CCDC171: variants seen among roughly 807,000 people sequenced by gnomAD.
The protein encoded by CCDC171 is coiled-coil domain containing 171.
In CCDC171, 177 loss-of-function variants were observed where a neutral mutation model predicts 168.2. The ratio of observed to expected loss-of-function variants is 1.05; its 90% CI spans 0.93 to 1.19. CCDC171 has a LOEUF of 1.19. Among genes scored for constraint, CCDC171 ranks in the 50% most tolerant of loss-of-function variants. The probability of loss-of-function intolerance (pLI) is 0.00; values close to 1 mark genes in which losing one functional copy is unlikely to be tolerated. For missense variants in CCDC171, 1,991 were observed against 1,539.0 expected (o/e 1.29, Z -4.91); for synonymous variants, 687 against 540.8 (o/e 1.27, Z -3.75).
chr9:15,909,211 C>G (rs749120577), intron 24 of CCDC171, among the ~76,000 whole-genome samples: 4 of 152,158 alleles, frequency 2.6e-5, no homozygotes, highest in Non-Finnish European at 5.9e-5. Flanking sequence ...CGTCTCCTAC[C>G]TGTTTATGCT....
intron 6 of CCDC171, among the ~76,000 whole-genome samples, chr9:15,622,944 CATAAT>C (rs1477460928): frequency 3.3e-5 from 5 of 152,230 alleles, no homozygotes; most frequent in South Asian, 2.1e-4. Flanking sequence ...GAAGGGGAAA[CATAAT>C]ATATGATAGT....
At chr9:15,947,643 A>G (rs987662199) in intron 25 of CCDC171, among the ~76,000 whole-genome samples, 1 of 151,874 alleles carries the variant, frequency 6.6e-6, no homozygotes, top group Non-Finnish European at 1.5e-5. Flanking sequence ...TGTTTTAGCA[A>G]TTGTGAATAA....
At chr9:15,580,286 A>G (rs916959276) in intron 4 of CCDC171, among the ~76,000 whole-genome samples, 4 of 152,214 alleles carry the variant, frequency 2.6e-5, no homozygotes, top group African/African-American at 7.2e-5. Context: ...TGGAAAAACT[A>G]TTCTAGACAT....
chr9:16,092,812 C>T, the CCDC171 span, among the ~76,000 whole-genome samples: 3 of 152,188 alleles, frequency 2.0e-5, no homozygotes, highest in African/African-American at 2.4e-5. Flanking sequence ...TGGACTGTCA[C>T]GCTGGCTTAT....
chr9:15,636,684 G>T (rs1450280414), intron 7 of CCDC171, among the ~76,000 whole-genome samples: 1 of 150,452 alleles, frequency 6.6e-6, no homozygotes, highest in East Asian at 2.0e-4. Flanking sequence ...GGGGAGTTTG[G>T]GCCTGCAGTG....
intron 8 of CCDC171, among the ~76,000 whole-genome samples, chr9:15,662,041 C>G (rs992679805): frequency 6.6e-6 from 1 of 152,174 alleles, no homozygotes; most frequent in African/African-American, 2.4e-5. Context: ...CTTTGGGAGG[C>G]TGAGGTGGGC....
At chr9:15,652,058 C>T (rs907846220) in intron 7 of CCDC171, among the ~76,000 whole-genome samples, 5 of 152,058 alleles carry the variant, frequency 3.3e-5, no homozygotes, top group African/African-American at 1.2e-4. Context: ...ATAAGTGTGC[C>T]TCACCACACC....
intron 25 of CCDC171, among the ~76,000 whole-genome samples, chr9:15,927,828 G>A (rs1039170757): frequency 2.6e-5 from 4 of 151,660 alleles, no homozygotes; most frequent in African/African-American, 7.3e-5. Context: ...GTTAATTTTA[G>A]TGTTGTGTAG....
chr9:15,644,704 C>A (rs2046899379), intron 7 of CCDC171, among the ~76,000 whole-genome samples: 1 of 152,210 alleles, frequency 6.6e-6, no homozygotes, highest in African/African-American at 2.4e-5. Flanking sequence ...GAGGAGCGCC[C>A]ACCATTGATG....
intron 3 of CCDC171, among the ~76,000 whole-genome samples, chr9:16,009,208 G>A (rs984290037): frequency 1.3e-5 from 2 of 152,112 alleles, no homozygotes; most frequent in African/African-American, 4.8e-5. Flanking sequence ...TCACAAAAAT[G>A]TCCTTTCAAA....
intron 1 of CCDC171, among the ~76,000 whole-genome samples, chr9:16,046,246 T>C (rs1328295): frequency 0.95 from 144,198 of 152,114 alleles, 68,443 homozygotes; most frequent in African/African-American, 0.98. Context: ...AAGAAACCAA[T>C]CGAGAAGTAA....
intron 10 of CCDC171, among the ~76,000 whole-genome samples, chr9:15,693,608 A>G (rs1396930644): frequency 1.3e-5 from 2 of 152,194 alleles, no homozygotes; most frequent in African/African-American, 4.8e-5. Flanking sequence ...TAGAGAGTTG[A>G]TATAGTCAGG....
At chr9:16,028,358 T>C (rs1044490740) in intron 6 of CCDC171, among the ~76,000 whole-genome samples, 3 of 152,096 alleles carry the variant, frequency 2.0e-5, no homozygotes, top group Non-Finnish European at 4.4e-5. Context: ...AGGGATCTGT[T>C]AAGATGATAC....
At chr9:16,049,759 T>C (rs1175537982) in intron 1 of CCDC171, among the ~76,000 whole-genome samples, 1 of 152,210 alleles carries the variant, frequency 6.6e-6, no homozygotes, top group African/African-American at 2.4e-5. Flanking sequence ...TCCGTAATCA[T>C]GTGAGCCAAT....
At chr9:15,705,908 T>C (rs2133950009) in intron 11 of CCDC171, among the ~76,000 whole-genome samples, 1 of 152,308 alleles carries the variant, frequency 6.6e-6, no homozygotes, top group South Asian at 2.1e-4. Flanking sequence ...TATTTTACAT[T>C]TTAAGTTTTG....
At chr9:15,918,263 A>G (rs752292651) in intron 24 of CCDC171, among the ~76,000 whole-genome samples, 3 of 151,712 alleles carry the variant, frequency 2.0e-5, no homozygotes, top group Non-Finnish European at 4.4e-5. Context: ...ACTTCAGTAA[A>G]TCCCTAGTAA....
At chr9:15,578,149 G>C (rs953812679) in intron 3 of CCDC171, among the ~76,000 whole-genome samples, 3 of 152,050 alleles carry the variant, frequency 2.0e-5, no homozygotes, top group African/African-American at 4.8e-5. Context: ...GGAATAGAAG[G>C]AGGAGAGGAA....
intron 3 of CCDC171, among the ~76,000 whole-genome samples, chr9:15,577,758 G>T (rs900720393): frequency 1.3e-5 from 2 of 152,196 alleles, no homozygotes; most frequent in African/African-American, 4.8e-5. Context: ...TATTCCCAAG[G>T]TTGATTAGAG....
intron 1 of CCDC171, among the ~76,000 whole-genome samples, chr9:15,558,770 G>T (rs1366703337): frequency 1.3e-5 from 2 of 151,996 alleles, no homozygotes; most frequent in African/African-American, 2.4e-5. Context: ...CTTGCCTTCT[G>T]CTAGCTTTTG....
Sources: gnomAD v4.1 joint callset for allele counts (sites outside exome capture counted in the v4.1 genomes callset) on GRCh38, gnomAD v4.1.1 for gene constraint, MANE v1.5 for transcripts, NCBI Gene and HGNC (gene_info 2026-07-23, HGNC 2026-07-21) for gene names.